Variants in TSG101 observed in about 807,000 individuals in gnomAD.
TSG101 encodes tumor susceptibility 101.
A neutral mutation model predicts 48.5 loss-of-function variants in TSG101; 19 were observed. The ratio of observed to expected loss-of-function variants is 0.39; its 90% CI spans 0.27 to 0.58. TSG101 has a LOEUF of 0.58. TSG101 is among the 20% of genes least tolerant of loss of function. TSG101 has a pLI of 0.55. For missense variants in TSG101, 365 were observed against 484.4 expected, an observed-to-expected ratio of 0.75 and a Z score of 2.31; for synonymous variants, 174 against 169.4, an observed-to-expected ratio of 1.03 and a Z score of -0.21.
rs78712880 is a variant in TSG101, at chr11:18,487,939, C to T, written c.641-3867G>A. 8.3e-3 allele frequency among the ~76,000 whole-genome samples: 1,255 copies of T among 152,060 alleles called. 12 individuals are homozygous for T. The highest frequency in any genetic ancestry group is 0.029 in the African/African-American group (1,200 of 41,482). ...TTTTTATTTCACTTTTGAAGTTTTA[C>T]ACTTTTCCTGATTATTCTGTGTAAG... On this transcript the variant is annotated intron_variant, in intron 7 of 9. Coordinates refer to ENST00000251968, the MANE Select transcript of TSG101 (RefSeq NM_006292.4).
At chr11:18,506,419 A>C (rs541053927) in intron 6 of TSG101, among the ~76,000 whole-genome samples, 28 of 151,838 alleles carry the variant, frequency 1.8e-4, no homozygotes, top group African/African-American at 6.8e-4. Context: ...TAGGCTGGGC[A>C]TGGTGGCTCA....
chr11:18,488,807 G>A (rs1849658483), intron 7 of TSG101, among the ~76,000 whole-genome samples: 1 of 151,834 alleles, frequency 6.6e-6, no homozygotes, highest in Non-Finnish European at 1.5e-5. Flanking sequence ...AGGAGGGAAG[G>A]GAAAACCAAA....
In TSG101 at chr11:18,526,795, G is replaced by A. The variant is rs1850383912; in HGVS notation, c.22C>T (p.Leu8Phe). Reference sequence around the variant, plus strand: ...CTCACCTTGGACACCATTTTCTTGAGCTGGCTCTCCGACACCGCCATGACG... The same window carrying A: ...CTCACCTTGGACACCATTTTCTTGAACTGGCTCTCCGACACCGCCATGACG... MAVSESQ[L>F]KKMVSKYKYR... is the part of the protein sequence containing the mutation. The change falls in exon 1 of 10, where the codon CTC becomes TTC. Residue 8 changes from leucine (L) to phenylalanine (F), a missense_variant. Transcript: ENST00000251968. 6.2e-7 allele frequency: 1 copy of A among 1,603,172 alleles called. No homozygotes were observed. The highest frequency in any genetic ancestry group is 8.5e-7 in the Non-Finnish European group (1 of 1,179,724).
rs1251864643 is a variant in TSG101, at chr11:18,526,822, C to T, written c.-6G>A. ...TGGCTCTCCGACACCGCCATGACGGCCGCCTGGCGACTCCCTTCCCCGCAG... is the reference window on the plus strand; with the variant it reads ...TGGCTCTCCGACACCGCCATGACGGTCGCCTGGCGACTCCCTTCCCCGCAG... On this transcript the variant is annotated 5_prime_UTR_variant, in exon 1 of 10. Transcript: ENST00000251968. 8.1e-6 allele frequency: 13 copies of T among 1,601,832 alleles called. No homozygotes were observed. The highest frequency in any genetic ancestry group is 1.1e-5 in the Non-Finnish European group (13 of 1,179,266).
At chr11:18,504,200 CAAAAA>C (rs933198352) in intron 6 of TSG101, among the ~76,000 whole-genome samples, 2 of 43,338 alleles carry the variant, frequency 4.6e-5, no homozygotes, top group Admixed American at 5.6e-4. Context: ...GCCCCCATCT[CAAAAA>C]AAAAAAAAAA....
intron 1 of TSG101, among the ~76,000 whole-genome samples, chr11:18,521,049 T>A (rs934979732): frequency 3.3e-5 from 5 of 150,622 alleles, no homozygotes; most frequent in Admixed American, 6.6e-5. Context: ...AAAAAAAAAA[T>A]TTGCTTTTAT....
rs1229188041 is a variant in TSG101 at position 18,499,381 on chromosome 11, A to AATATATATAT, written c.640+3095_640+3104dup. Among the ~76,000 whole-genome samples the AATATATATAT allele has an allele frequency of 2.1e-3, 26 of 12,288 alleles. 1 individual carries two copies. The highest frequency in any genetic ancestry group is 4.4e-3 in the African/African-American group (17 of 3,832). The allele number at this position is 12,288 out of a possible 152,430, so 8.1% of individuals were successfully genotyped here. A position where few individuals can be genotyped will look rare whatever the true frequency, so the allele number is the denominator to read the frequency against. Reference sequence around the variant, plus strand: ...TTATATATAAATATGTTTATATTTAAATATATATATATATATATATATTTT... The same window carrying AATATATATAT: ...TTATATATAAATATGTTTATATTTAAATATATATATATATATATATATATATATATATTTT... On this transcript the variant is annotated intron_variant, in intron 7 of 9. Coordinates refer to ENST00000251968, the MANE Select transcript of TSG101 (RefSeq NM_006292.4).
At chr11:18,514,973 C>T in intron 3 of TSG101, 132 bp from the exon 4 acceptor site, 1 of 827,948 alleles carries the variant, frequency 1.2e-6, no homozygotes, top group Non-Finnish European at 1.7e-6. Context: ...CTATTTCCCC[C>T]AGCAGAATTT....
At chr11:18,523,552 G>C (rs2133935777) in intron 1 of TSG101, among the ~76,000 whole-genome samples, 1 of 152,104 alleles carries the variant, frequency 6.6e-6, no homozygotes, top group Middle Eastern at 3.4e-3. Flanking sequence ...ACCCAGGCTG[G>C]AGTGCAGTGG....
At chr11:18,505,935 A>T (rs552380424) in intron 6 of TSG101, among the ~76,000 whole-genome samples, 2 of 152,030 alleles carry the variant, frequency 1.3e-5, no homozygotes, top group Non-Finnish European at 2.9e-5. Flanking sequence ...CTCCTACCTC[A>T]GCCTCCCAAA....
intron 5 of TSG101, chr11:18,507,785 C>G (rs1356328524): frequency 1.3e-5 from 2 of 151,864 alleles, no homozygotes; most frequent in African/African-American, 4.8e-5. Context: ...ATTTAAAACT[C>G]AAAGAAATTT....
intron 6 of TSG101, among the ~76,000 whole-genome samples, chr11:18,505,411 A>G (rs1413662257): frequency 1.3e-5 from 2 of 152,032 alleles, no homozygotes; most frequent in East Asian, 1.9e-4. Flanking sequence ...TCACACCACC[A>G]TGCCTGGCTA....
At chr11:18,525,253 A>C (rs1377361712) in intron 1 of TSG101, among the ~76,000 whole-genome samples, 1 of 152,142 alleles carries the variant, frequency 6.6e-6, no homozygotes, top group Non-Finnish European at 1.5e-5. Context: ...TAAAGATCAA[A>C]AATGTCATGG....
chr11:18,498,643 G>T (rs1849821629), intron 7 of TSG101, among the ~76,000 whole-genome samples: 1 of 152,188 alleles, frequency 6.6e-6, no homozygotes, highest in African/African-American at 2.4e-5. Flanking sequence ...ATACTGAAAA[G>T]GCAGCTGGAT....
chr11:18,495,923 CAA>C (rs36092798), intron 7 of TSG101, among the ~76,000 whole-genome samples: 16 of 105,798 alleles, frequency 1.5e-4, no homozygotes, highest in Non-Finnish European at 1.4e-4. Flanking sequence ...GACTCCGTCT[CAA>C]AAAAAAAAAA....
At chr11:18,481,479 G>A in intron 9 of TSG101, 151 bp downstream of exon 9, 1 of 1,432,640 alleles carries the variant, frequency 7.0e-7, no homozygotes, top group East Asian at 2.5e-5. Flanking sequence ...GTAAAAAGAT[G>A]GTGCAAAACC....
At chr11:18,510,885 C>G (rs1023947390) in intron 4 of TSG101, among the ~76,000 whole-genome samples, 1 of 152,070 alleles carries the variant, frequency 6.6e-6, no homozygotes, top group Non-Finnish European at 1.5e-5. Context: ...CCACTGCACT[C>G]CAGCCTGGGT....
At chr11:18,506,755 G>T in intron 6 of TSG101, 102 bp downstream of exon 6, 2 of 850,848 alleles carry the variant, frequency 2.4e-6, no homozygotes, top group Non-Finnish European at 3.5e-6. Context: ...CCACTAAATT[G>T]CAATTAAATT....
At chr11:18,486,482 A>C (rs1565082071) in intron 7 of TSG101, among the ~76,000 whole-genome samples, 2 of 152,258 alleles carry the variant, frequency 1.3e-5, no homozygotes, top group African/African-American at 2.4e-5. Context: ...AAATTCTTTA[A>C]AAATTTCTTA....
Sources: allele counts gnomAD v4.1 joint callset (sites outside exome capture counted in the v4.1 genomes callset), GRCh38; gene constraint gnomAD v4.1.1; transcripts MANE v1.5; gene names NCBI Gene and HGNC (gene_info 2026-07-23, HGNC 2026-07-21).